Variants in ARHGAP29 observed in about 807,000 individuals in gnomAD.
The protein encoded by ARHGAP29 is rho GTPase-activating protein 29.
In ARHGAP29, 43 loss-of-function variants were observed where a neutral mutation model predicts 122.6. The observed-to-expected ratio is 0.35, with a 90% confidence interval of 0.27 to 0.45. The LOEUF (loss-of-function observed/expected upper bound fraction) is 0.45, where lower values mean the gene tolerates loss of function less well. Among genes scored for constraint, ARHGAP29 ranks in the 20% least tolerant of loss-of-function variants. The pLI is 1.00. For synonymous variants in ARHGAP29, 506 were observed against 497.1 expected (o/e 1.02, Z -0.24); for missense variants, 1,303 against 1,477.2 (o/e 0.88, Z 1.93).
In ARHGAP29 at chr1:94,219,631, C is replaced by G. The variant is rs57362944; in HGVS notation, c.340+627G>C. On this transcript the variant is annotated intron_variant, in intron 3 of 22. Transcript: ENST00000260526. Reference sequence around the variant, plus strand: ...TATTTCCCTGCCTCCTGTCTCATTTCTTCTCAAATACTCACTTCGCTCTCA... The same window carrying G: ...TATTTCCCTGCCTCCTGTCTCATTTGTTCTCAAATACTCACTTCGCTCTCA... Among the ~76,000 whole-genome samples the G allele has an allele frequency of 8.4e-3, 1,284 of 152,238 alleles. 18 individuals carry two copies. Among genetic ancestry groups the G allele is most frequent in the African/African-American group, 0.029 (1,220 of 41,556 alleles).
chr1:94,286,400 G>A, the ARHGAP29 span, among the ~76,000 whole-genome samples: 6 of 152,134 alleles, frequency 3.9e-5, no homozygotes, highest in Admixed American at 1.3e-4. Flanking sequence ...GAGCATGGTG[G>A]CTCATGCCTA....
intron 5 of ARHGAP29, among the ~76,000 whole-genome samples, chr1:94,206,968 T>A (rs1436759881): frequency 6.7e-6 from 1 of 149,348 alleles, no homozygotes; most frequent in Non-Finnish European, 1.5e-5. Context: ...ATGAGGCAAA[T>A]ATATATATAT....
At chr1:94,189,030 A>G in intron 14 of ARHGAP29, 89 bp from the exon 15 acceptor site, 1 of 1,420,882 alleles carries the variant, frequency 7.0e-7, no homozygotes, top group Non-Finnish European at 9.7e-7. Flanking sequence ...GACAATTCAA[A>G]TTTCTTTAAC....
At chr1:94,195,921 G>T (rs1570516726) in intron 12 of ARHGAP29, 1 of 151,948 alleles carries the variant, frequency 6.6e-6, no homozygotes, top group African/African-American at 2.4e-5. Flanking sequence ...ACATTTCTAG[G>T]GATAAAAGGA....
At chr1:94,252,214 A>T (rs891619077) in intron 1 of ARHGAP29, among the ~76,000 whole-genome samples, 1 of 152,208 alleles carries the variant, frequency 6.6e-6, no homozygotes, top group Non-Finnish European at 1.5e-5. Context: ...GACTTCACCA[A>T]ATCTTTATCT....
chr1:94,210,319 G>A (rs1459586491), intron 3 of ARHGAP29, among the ~76,000 whole-genome samples: 1 of 152,056 alleles, frequency 6.6e-6, no homozygotes, highest in African/African-American at 2.4e-5. Context: ...GAATTACCTG[G>A]GGAGTTTTAT....
intron 16 of ARHGAP29, 49 bp downstream of exon 16, chr1:94,186,450 C>T: frequency 7.7e-7 from 1 of 1,293,012 alleles, no homozygotes; most frequent in Non-Finnish European, 1.1e-6. Flanking sequence ...TCATGCAGTG[C>T]TACTGATTGA....
chr1:94,289,688 G>A, the ARHGAP29 span, among the ~76,000 whole-genome samples: 18 of 152,302 alleles, frequency 1.2e-4, no homozygotes, highest in African/African-American at 4.1e-4. Context: ...TTTATTGAGA[G>A]TTTTCAGCAT....
At chr1:94,205,368 C>CA (rs1292297134) in intron 6 of ARHGAP29, among the ~76,000 whole-genome samples, 170 bp from the exon 7 acceptor site, 1 of 152,044 alleles carries the variant, frequency 6.6e-6, no homozygotes, top group Non-Finnish European at 1.5e-5. Context: ...AAAATGGTTT[C>CA]AAACTATAAT....
At chr1:94,239,413 A>C (rs1653486918), upstream of ARHGAP29, among the ~76,000 whole-genome samples, 1 of 152,148 alleles carries the variant, frequency 6.6e-6, no homozygotes, top group South Asian at 2.1e-4. Context: ...TCACTGACAA[A>C]ATCATGAACA....
At chr1:94,259,824 T>G in intron 1 of ARHGAP29, among the ~76,000 whole-genome samples, 1 of 152,154 alleles carries the variant, frequency 6.6e-6, no homozygotes, top group Non-Finnish European at 1.5e-5. Context: ...AGAAAAAAAT[T>G]TAAATACTAA....
chr1:94,169,083 T>C lies in ARHGAP29; in HGVS notation c.*4786A>G, dbSNP rs946814651. Reference sequence around the variant, plus strand: ...AAAGTGAGAACCACAATTCAATATTTTCTATAAATTTCATAAATGTCTATG... The same window carrying C: ...AAAGTGAGAACCACAATTCAATATTCTCTATAAATTTCATAAATGTCTATG... On this transcript the variant is annotated 3_prime_UTR_variant, in exon 23 of 23. Coordinates refer to ENST00000260526, the MANE Select transcript of ARHGAP29 (RefSeq NM_004815.4). Among the ~76,000 whole-genome samples, 1 of 152,220 alleles carries C rather than the reference T, an allele frequency of 6.6e-6. No individual in the cohort carries two copies. The highest frequency in any genetic ancestry group is 2.4e-5 in the African/African-American group (1 of 41,466).
chr1:94,231,614 T>C lies in ARHGAP29; in HGVS notation c.-3A>G. 1 of 1,612,240 alleles carries C rather than the reference T, an allele frequency of 6.2e-7. No individual in the cohort carries two copies. The highest frequency in any genetic ancestry group is 8.5e-7 in the Non-Finnish European group (1 of 1,179,306). ...TTTTTCTGTTTGTGAGCAATCATCCTTTCATGTAACAGTCAGAAAAACTGA... is the reference window on the plus strand; with the variant it reads ...TTTTTCTGTTTGTGAGCAATCATCCCTTCATGTAACAGTCAGAAAAACTGA... On this transcript the variant is annotated 5_prime_UTR_variant, in exon 2 of 23. Transcript: ENST00000260526.
rs1366119165 is a variant in ARHGAP29 at position 94,184,899 on chromosome 1, C to A, written c.2082G>T (p.Glu694Asp). The A allele has an allele frequency of 6.2e-7, 1 of 1,602,524 alleles. No individual in the cohort carries two copies. Among genetic ancestry groups the A allele is most frequent in the Non-Finnish European group, 8.5e-7 (1 of 1,176,414 alleles). Residue 694 changes from glutamate (E) to aspartate (D), a missense_variant, in exon 18 of 23, where the codon GAG becomes GAT. Glu to Asp is a conservative substitution (Grantham distance 45). Transcript: ENST00000260526. ...GTAGACACAAAGCTCTATTTTCAAT[C>A]TCTGAGGCACATATTTTGAGTATAA... Reference protein sequence around the residue: ...IPFILKICASEIENRALCLQG... With the variant: ...IPFILKICASDIENRALCLQG...
chr1:94,265,723 A>G (rs1654745965), intron 1 of ARHGAP29, among the ~76,000 whole-genome samples: 1 of 152,174 alleles, frequency 6.6e-6, no homozygotes, highest in South Asian at 2.1e-4. Flanking sequence ...TCTGCTCCCC[A>G]GACTCCAGTG....
chr1:94,280,755 G>T, the ARHGAP29 span, among the ~76,000 whole-genome samples: 4 of 152,210 alleles, frequency 2.6e-5, no homozygotes, highest in Non-Finnish European at 4.4e-5. Context: ...ATGTGTAATA[G>T]CTGGCTGTGG....
chr1:94,314,004 T>C, the ARHGAP29 span, among the ~76,000 whole-genome samples: 5 of 152,124 alleles, frequency 3.3e-5, no homozygotes, highest in Non-Finnish European at 7.3e-5. Flanking sequence ...AGGGATAGCA[T>C]TATGAGAAAT....
intron 13 of ARHGAP29, 141 bp downstream of exon 13, chr1:94,189,785 G>T (rs539136369): frequency 6.7e-6 from 5 of 745,762 alleles, no homozygotes; most frequent in Non-Finnish European, 6.4e-6. Context: ...TATCTACTTC[G>T]ATACCATAAA....
chr1:94,190,280 C>T (rs1250491218), intron 12 of ARHGAP29, 197 bp from the exon 13 acceptor site: 1 of 494,738 alleles, frequency 2.0e-6, no homozygotes, highest in East Asian at 3.5e-5. Flanking sequence ...AATCTAATAT[C>T]TAGGAGCAAT....
Sources: gnomAD v4.1 joint callset for allele counts (sites outside exome capture counted in the v4.1 genomes callset) on GRCh38, gnomAD v4.1.1 for gene constraint, MANE v1.5 for transcripts, NCBI Gene and HGNC (gene_info 2026-07-23, HGNC 2026-07-21) for gene names.